TMEM131: variants seen among roughly 807,000 people sequenced by gnomAD.
TMEM131 encodes transmembrane protein 131.
A neutral mutation model predicts 211.6 loss-of-function variants in TMEM131; 66 were observed. That is an observed-to-expected ratio of 0.31 (90% CI 0.26 to 0.38). The LOEUF (loss-of-function observed/expected upper bound fraction) is 0.38, where lower values mean the gene tolerates loss of function less well. Among genes scored for constraint, TMEM131 ranks in the 10% least tolerant of loss-of-function variants. TMEM131 has a pLI of 1.00. For synonymous variants in TMEM131, 844 were observed against 841.3 expected (o/e 1.00, Z -0.06); for missense variants, 2,036 against 2,299.3 (o/e 0.89, Z 2.34).
intron 31 of TMEM131, among the ~76,000 whole-genome samples, chr2:97,777,953 G>A (rs1262885415): frequency 6.6e-6 from 1 of 152,164 alleles, no homozygotes; most frequent in South Asian, 2.1e-4. Flanking sequence ...TTTGCTCCAT[G>A]AGCTCTGGGA....
intron 4 of TMEM131, among the ~76,000 whole-genome samples, chr2:97,864,759 A>G (rs2105198020): frequency 6.6e-6 from 1 of 152,310 alleles, no homozygotes; most frequent in African/African-American, 2.4e-5. Context: ...AAGGAAAGTG[A>G]GTGTCAATGG....
chr2:97,888,574 C>A (rs1364022781), intron 3 of TMEM131, among the ~76,000 whole-genome samples: 1 of 152,162 alleles, frequency 6.6e-6, no homozygotes, highest in Non-Finnish European at 1.5e-5. Flanking sequence ...ATACAAACTT[C>A]CAAGAATTGA....
Position 97,989,043 on chromosome 2 carries a change from G to C in TMEM131, c.187+6433C>G, listed in dbSNP as rs1341879622. On this transcript the variant is annotated intron_variant, in intron 1 of 40. Transcript: ENST00000186436. ...TGGATGAATGGATAAACAAAATGTG[G>C]TATATCCATACAATGGAATATAATT... 5.3e-5 allele frequency among the ~76,000 whole-genome samples: 8 copies of C among 152,252 alleles called. No individual in the cohort carries two copies. The East Asian group carries it at 1.5e-3, about 29-fold the overall frequency.
chr2:97,927,304 A>G, intron 2 of TMEM131, 122 bp downstream of exon 2: 1 of 680,098 alleles, frequency 1.5e-6, no homozygotes, highest in Non-Finnish European at 2.3e-6. Context: ...CTACTGACCT[A>G]TCTTCAAAGC....
chr2:97,804,052 C>G (rs1189713757), intron 22 of TMEM131, among the ~76,000 whole-genome samples: 3 of 152,048 alleles, frequency 2.0e-5, no homozygotes, highest in Non-Finnish European at 4.4e-5. Context: ...ATAAACAAAC[C>G]CTCCAATTAT....
At chr2:97,872,869 C>T (rs924621187) in intron 4 of TMEM131, among the ~76,000 whole-genome samples, 5 of 152,162 alleles carry the variant, frequency 3.3e-5, no homozygotes, top group African/African-American at 1.2e-4. Context: ...ACCCCATTGG[C>T]ACCTGGAACA....
rs145359844 is a variant in TMEM131, at chr2:97,881,584, A to G, written c.359+6468T>C. On this transcript the variant is annotated intron_variant, in intron 4 of 40. Coordinates refer to ENST00000186436, the MANE Select transcript of TMEM131 (RefSeq NM_015348.2). ...TGACCTGCCCTCCTGTTACAGAGTA[A>G]AACTGGGTCACACTCACCCTTGAAC... 3.3e-3 allele frequency among the ~76,000 whole-genome samples: 498 copies of G among 151,990 alleles called. 6 individuals carry two copies. The highest frequency in any genetic ancestry group is 0.014 in the Middle Eastern group (4 of 294).
intron 38 of TMEM131, chr2:97,760,155 C>T (rs1678745411): frequency 3.9e-6 from 1 of 258,338 alleles, no homozygotes; most frequent in Non-Finnish European, 7.5e-6. Context: ...TGCTGCAGGC[C>T]ACCACACCCC....
intron 2 of TMEM131, among the ~76,000 whole-genome samples, chr2:97,915,989 C>G (rs1676491874): frequency 6.6e-6 from 1 of 152,220 alleles, no homozygotes; most frequent in Admixed American, 6.5e-5. Context: ...TCTCAACTCA[C>G]TGCAACCTCT....
Position 97,795,124 on chromosome 2 carries a change from G to A in TMEM131, c.3201-9C>T. 6.2e-7 allele frequency: 1 copy of A among 1,604,508 alleles called. No individual in the cohort carries two copies. The highest frequency in any genetic ancestry group is 8.5e-7 in the Non-Finnish European group (1 of 1,174,476). ...TAAAATCAGGAGTAAACCTAAAACA[G>A]AATGATGGTAGTAAGGCTAAGTTTT... On this transcript the variant is annotated splice_polypyrimidine_tract_variant and intron_variant, in intron 28 of 40. Coordinates refer to ENST00000186436, the MANE Select transcript of TMEM131 (RefSeq NM_015348.2).
At chr2:97,809,491 A>C (rs1681454309) in intron 19 of TMEM131, among the ~76,000 whole-genome samples, 197 bp downstream of exon 19, 1 of 152,210 alleles carries the variant, frequency 6.6e-6, no homozygotes, top group Non-Finnish European at 1.5e-5. Context: ...TTGTGGGTCC[A>C]TTTCCCTTTC....
intron 3 of TMEM131, among the ~76,000 whole-genome samples, chr2:97,894,203 T>C (rs1675503815): frequency 6.6e-6 from 1 of 152,220 alleles, no homozygotes; most frequent in Non-Finnish European, 1.5e-5. Flanking sequence ...TGTGTGGTGT[T>C]ATTTCTGAGG....
intron 1 of TMEM131, among the ~76,000 whole-genome samples, chr2:97,989,544 CACA>C (rs1680172662): frequency 6.6e-6 from 1 of 152,066 alleles, no homozygotes. Context: ...AGATCTGCTA[CACA>C]ACAACGTGAA....
chr2:97,822,058 G>A (rs1325864489), intron 11 of TMEM131, among the ~76,000 whole-genome samples: 1 of 152,072 alleles, frequency 6.6e-6, no homozygotes, highest in African/African-American at 2.4e-5. Flanking sequence ...TTGCCCCCTG[G>A]GTCCTAATGC....
chr2:97,995,750 C>G lies in TMEM131; in HGVS notation c.-88G>C. On this transcript the variant is annotated 5_prime_UTR_variant, in exon 1 of 41. Coordinates refer to ENST00000186436, the MANE Select transcript of TMEM131 (RefSeq NM_015348.2). ...CGGCGCGGAAGCCGTGGTCCGGGCT[C>G]TGGCCGCGGCGCCGGGAGCGACAAC... 5 of 1,016,014 alleles carry G rather than the reference C, an allele frequency of 4.9e-6. No homozygotes were observed. Among genetic ancestry groups the G allele is most frequent in the Non-Finnish European group, 6.1e-6 (5 of 820,104 alleles). The allele number at this position is 1,016,014 out of a possible 1,614,324, so 62.9% of individuals were successfully genotyped here. A position where few individuals can be genotyped will look rare whatever the true frequency, so the allele number is the denominator to read the frequency against.
rs568074150 is a variant in TMEM131 at position 97,928,363 on chromosome 2, T to C, written c.188-876A>G. Among the ~76,000 whole-genome samples, 3 of 152,078 alleles carry C rather than the reference T, an allele frequency of 2.0e-5. 1 individual carries two copies. The highest frequency in any genetic ancestry group is 7.3e-5 in the African/African-American group (3 of 41,364). The stretch of plus-strand genomic sequence containing the variant: ...GTTGAATAAGTGAAGCACAAATATA[T>C]TTTAGGGTGGTAAAACCATTCTTTA... On this transcript the variant is annotated intron_variant, in intron 1 of 40. Coordinates refer to ENST00000186436, the MANE Select transcript of TMEM131 (RefSeq NM_015348.2).
At position 97,993,641 on chromosome 2, in the gene TMEM131, G is replaced by C. The variant is rs1645567493; in HGVS notation, c.187+1835C>G. Reference sequence around the variant, plus strand: ...AAAGCATGGGCCACAAAGGATATCTGATTCACCCAGGCCACTGGCTGATTC... The same window carrying C: ...AAAGCATGGGCCACAAAGGATATCTCATTCACCCAGGCCACTGGCTGATTC... On this transcript the variant is annotated intron_variant, in intron 1 of 40. Coordinates refer to ENST00000186436, the MANE Select transcript of TMEM131 (RefSeq NM_015348.2). Among the ~76,000 whole-genome samples the C allele has an allele frequency of 2.6e-5, 4 of 152,288 alleles. No homozygotes were observed. In the Middle Eastern group the frequency reaches 0.01, roughly 388 times the overall value.
chr2:97,908,752 CAGA>C, intron 2 of TMEM131, 54 bp from the exon 3 acceptor site: 2 of 1,435,384 alleles, frequency 1.4e-6, no homozygotes, highest in Non-Finnish European at 1.9e-6. Context: ...ATTTATATTA[CAGA>C]CATATGGAAT....
chr2:97,781,195 A>G (rs1234663452), intron 31 of TMEM131, among the ~76,000 whole-genome samples: 1 of 152,204 alleles, frequency 6.6e-6, no homozygotes, highest in African/African-American at 2.4e-5. Flanking sequence ...GGGCAGGGAT[A>G]AGGCCTTACT....
Sources: allele counts gnomAD v4.1 joint callset (sites outside exome capture counted in the v4.1 genomes callset), GRCh38; gene constraint gnomAD v4.1.1; transcripts MANE v1.5; gene names NCBI Gene and HGNC (gene_info 2026-07-23, HGNC 2026-07-21).